Variants in ENOX1 observed in about 807,000 individuals in gnomAD.
The protein encoded by ENOX1 is candidate growth-related and time keeping constitutive hydroquinone (NADH) oxidase.
A neutral mutation model predicts 82.5 loss-of-function variants in ENOX1; 42 were observed. That is an observed-to-expected ratio of 0.51 (90% CI 0.40 to 0.66). The LOEUF (loss-of-function observed/expected upper bound fraction) is 0.66, where lower values mean the gene tolerates loss of function less well. ENOX1 is among the 30% of genes least tolerant of loss of function. The pLI is 0.00. For synonymous variants in ENOX1, 271 were observed against 282.2 expected, an observed-to-expected ratio of 0.96 and a Z score of 0.40; for missense variants, 608 against 811.6, an observed-to-expected ratio of 0.75 and a Z score of 3.05.
intron 14 of ENOX1, among the ~76,000 whole-genome samples, chr13:43,238,148 A>T (rs2153460016): frequency 6.6e-6 from 1 of 152,326 alleles, no homozygotes; most frequent in East Asian, 1.9e-4. Context: ...CCCAATAAGG[A>T]CAGGAGTCAG....
intron 14 of ENOX1, among the ~76,000 whole-genome samples, chr13:43,262,992 G>A (rs1463916532): frequency 6.6e-6 from 1 of 152,122 alleles, no homozygotes; most frequent in East Asian, 1.9e-4. Context: ...ACCACCACAA[G>A]GCTGGTGGCA....
At chr13:43,320,520 T>C (rs893456791) in intron 11 of ENOX1, among the ~76,000 whole-genome samples, 5 of 152,182 alleles carry the variant, frequency 3.3e-5, no homozygotes, top group African/African-American at 1.2e-4. Context: ...CCCGATCCTA[T>C]AAGCATGTAC....
chr13:43,775,255 A>G (rs1290350329), intron 1 of ENOX1, among the ~76,000 whole-genome samples: 1 of 152,082 alleles, frequency 6.6e-6, no homozygotes, highest in Non-Finnish European at 1.5e-5. Flanking sequence ...TGTTCAAGCA[A>G]TCCTCCCACC....
At chr13:43,675,021 C>T (rs1459809465) in intron 1 of ENOX1, among the ~76,000 whole-genome samples, 1 of 152,124 alleles carries the variant, frequency 6.6e-6, no homozygotes, top group African/African-American at 2.4e-5. Flanking sequence ...CTAGAGTAAG[C>T]CTGGCAGGTC....
chr13:43,610,454 G>A (rs1291333445), intron 2 of ENOX1, among the ~76,000 whole-genome samples: 3 of 152,130 alleles, frequency 2.0e-5, no homozygotes, highest in Non-Finnish European at 4.4e-5. Context: ...TATTTTTAAA[G>A]TACTTATTCA....
chr13:43,302,884 T>C (rs1415985905), intron 11 of ENOX1, among the ~76,000 whole-genome samples: 1 of 152,240 alleles, frequency 6.6e-6, no homozygotes, highest in East Asian at 1.9e-4. Flanking sequence ...TGTAAGTTGT[T>C]TTGGGTTATG....
chr13:43,657,455 A>T (rs1156806686), intron 2 of ENOX1, among the ~76,000 whole-genome samples: 3 of 152,220 alleles, frequency 2.0e-5, no homozygotes, highest in Non-Finnish European at 4.4e-5. Context: ...GCCTCTGGGC[A>T]GATAACACCT....
chr13:43,726,690 G>A (rs2088978867), intron 1 of ENOX1, among the ~76,000 whole-genome samples: 1 of 151,798 alleles, frequency 6.6e-6, no homozygotes, highest in Admixed American at 6.6e-5. Context: ...CAGCTCTAAA[G>A]GAGGAAACTG....
chr13:43,664,126 T>C (rs1316223218), intron 2 of ENOX1, among the ~76,000 whole-genome samples: 1 of 152,194 alleles, frequency 6.6e-6, no homozygotes. Context: ...TACATTCTAA[T>C]GTCAGAGATC....
rs1491279637 is a variant in ENOX1, at chr13:43,616,205, T to TATA, written c.-219+51273_-219+51274insTAT. Among the ~76,000 whole-genome samples, 3 of 5,898 alleles carry TATA rather than the reference T, an allele frequency of 5.1e-4. 1 individual carries two copies. Among genetic ancestry groups the TATA allele is most frequent in the Non-Finnish European group, 2.6e-3 (2 of 758 alleles). The allele number at this position is 5,898 out of a possible 152,430, so 3.9% of individuals were successfully genotyped here. A position where few individuals can be genotyped will look rare whatever the true frequency, so the allele number is the denominator to read the frequency against. Reference sequence around the variant, plus strand: ...ATCTATCTATATATATATATATATATTTTTTTTTTTTTTTTAGGACGGAGT... The same window carrying TATA: ...ATCTATCTATATATATATATATATATATATTTTTTTTTTTTTTTAGGACGGAGT... On this transcript the variant is annotated intron_variant, in intron 2 of 16. Transcript: ENST00000690772.
intron 3 of ENOX1, among the ~76,000 whole-genome samples, chr13:43,429,822 TA>T (rs1167577505): frequency 4.6e-5 from 7 of 152,326 alleles, no homozygotes; most frequent in African/African-American, 1.7e-4. Context: ...AGCTCCTTGC[TA>T]AGCTAAATTG....
At chr13:43,461,213 G>T (rs1239970713) in intron 3 of ENOX1, among the ~76,000 whole-genome samples, 1 of 152,222 alleles carries the variant, frequency 6.6e-6, no homozygotes, top group Admixed American at 6.5e-5. Flanking sequence ...CACATTCTGA[G>T]ATTCAAACTA....
intron 2 of ENOX1, among the ~76,000 whole-genome samples, chr13:43,614,699 A>G (rs920078974): frequency 2.6e-5 from 4 of 152,044 alleles, no homozygotes; most frequent in Non-Finnish European, 5.9e-5. Flanking sequence ...AGCCCCTAAG[A>G]GCCACTAGGC....
intron 12 of ENOX1, among the ~76,000 whole-genome samples, chr13:43,282,548 T>C (rs2045450672): frequency 6.6e-6 from 1 of 151,662 alleles, no homozygotes; most frequent in South Asian, 2.1e-4. Context: ...ATGATCCTCC[T>C]GAGTAGCTGG....
chr13:43,453,487 G>A lies in ENOX1; in HGVS notation c.-75+30522C>T, dbSNP rs182691998. Among the ~76,000 whole-genome samples the A allele has an allele frequency of 3.8e-3, 583 of 152,274 alleles. 10 individuals are homozygous for A. Among genetic ancestry groups the A allele is most frequent in the East Asian group, 4.6e-3 (24 of 5,178 alleles). Reference sequence around the variant, plus strand: ...AGAGTGGATTTCACCTTTAATGGAAGATTAATTTGCCCATTTGATTAATAT... The same window carrying A: ...AGAGTGGATTTCACCTTTAATGGAAAATTAATTTGCCCATTTGATTAATAT... On this transcript the variant is annotated intron_variant, in intron 3 of 16. Coordinates refer to ENST00000690772, the MANE Select transcript of ENOX1 (RefSeq NM_001347969.2).
intron 1 of ENOX1, among the ~76,000 whole-genome samples, chr13:43,776,294 C>G (rs1951914108): frequency 2.6e-5 from 4 of 152,094 alleles, no homozygotes; most frequent in Admixed American, 2.6e-4. Flanking sequence ...GGGAGATTGC[C>G]AAGTTGACAA....
At chr13:43,428,794 C>T (rs1250734576) in intron 3 of ENOX1, among the ~76,000 whole-genome samples, 1 of 152,118 alleles carries the variant, frequency 6.6e-6, no homozygotes, top group African/African-American at 2.4e-5. Context: ...GTTGGTGAGG[C>T]GGGTGGGGGG....
intron 11 of ENOX1, among the ~76,000 whole-genome samples, chr13:43,304,940 C>T (rs945484833): frequency 1.4e-5 from 2 of 143,958 alleles, no homozygotes; most frequent in African/African-American, 2.6e-5. Flanking sequence ...TCTGTGCCTT[C>T]AGTTAGAATA....
rs143753638 is a variant in ENOX1 at position 43,450,278 on chromosome 13, A to C, written c.-75+33731T>G. Among the ~76,000 whole-genome samples, 124 of 152,306 alleles carry C rather than the reference A, an allele frequency of 8.1e-4. 2 individuals are homozygous for C. The East Asian group carries it at 0.017, about 21-fold the overall frequency. On this transcript the variant is annotated intron_variant, in intron 3 of 16. Coordinates refer to ENST00000690772, the MANE Select transcript of ENOX1 (RefSeq NM_001347969.2). The stretch of plus-strand genomic sequence containing the variant: ...TCACACCTCTCCAAATAAACCTTAA[A>C]TTTGCAAGGTGAAGTGGGGGGCAGC...
Sources: gnomAD v4.1 joint callset for allele counts (sites outside exome capture counted in the v4.1 genomes callset) on GRCh38, gnomAD v4.1.1 for gene constraint, MANE v1.5 for transcripts, NCBI Gene and HGNC (gene_info 2026-07-23, HGNC 2026-07-21) for gene names.